Variants in OSBPL2 observed in about 807,000 individuals in gnomAD.
OSBPL2 encodes the protein oxysterol-binding protein-related protein 2.
In OSBPL2, 18 loss-of-function variants were observed where a neutral mutation model predicts 58.4. The ratio of observed to expected loss-of-function variants is 0.31; its 90% CI spans 0.21 to 0.46. The LOEUF (loss-of-function observed/expected upper bound fraction) is 0.46. OSBPL2 is among the 20% of genes least tolerant of loss of function. OSBPL2 has a pLI of 1.00. For missense variants in OSBPL2, 461 were observed against 616.5 expected (o/e 0.75, Z 2.67); for synonymous variants, 221 against 234.1 (o/e 0.94, Z 0.51).
Position 62,288,615 on chromosome 20 carries a change from G to T in OSBPL2, c.1126-592G>T, listed in dbSNP as rs771815238. Among the ~76,000 whole-genome samples the T allele has an allele frequency of 9.2e-5, 14 of 152,212 alleles. No homozygotes were observed. The highest frequency in any genetic ancestry group is 1.8e-4 in the Non-Finnish European group (12 of 67,988). ...GTGGGTGCAGAGGCCGAAGGCTGTGGGTGCAGGGTGCTGCCGCAGGCCTGC... is the reference window on the plus strand; with the variant it reads ...GTGGGTGCAGAGGCCGAAGGCTGTGTGTGCAGGGTGCTGCCGCAGGCCTGC... On this transcript the variant is annotated intron_variant, in intron 11 of 13. Transcript: ENST00000313733. This position sits in a 1 kb window ranked among gnomAD's most constrained non-coding sequence, Gnocchi z 4.8.
chr20:62,280,414 C>T (rs1408506240), intron 7 of OSBPL2, among the ~76,000 whole-genome samples: 1 of 152,214 alleles, frequency 6.6e-6, no homozygotes, highest in Non-Finnish European at 1.5e-5. Context: ...AAGTTGCACA[C>T]CTTGCTGATA....
intron 6 of OSBPL2, 124 bp from the exon 7 acceptor site, chr20:62,279,033 A>G (rs557540838): frequency 3.5e-5 from 26 of 752,198 alleles, no homozygotes; most frequent in East Asian, 2.6e-4. Context: ...TTTCCGCCAC[A>G]TGTTGTGGCA....
intron 4 of OSBPL2, among the ~76,000 whole-genome samples, chr20:62,266,597 G>A (rs888037816): frequency 5.9e-5 from 9 of 151,800 alleles, no homozygotes; most frequent in Admixed American, 2.0e-4. Context: ...TTCTGGATCC[G>A]CAGTGATTGG....
Position 62,294,023 on chromosome 20 carries a change from C to G in OSBPL2, c.*136C>G. 8.6e-7 allele frequency: 1 copy of G among 1,166,082 alleles called. No homozygotes were observed. 72.2% of individuals were successfully genotyped at this position (1,166,082 alleles called of 1,614,324 possible). A position where few individuals can be genotyped will look rare whatever the true frequency, so the allele number is the denominator to read the frequency against. On this transcript the variant is annotated 3_prime_UTR_variant, in exon 14 of 14. Transcript: ENST00000313733. Reference sequence around the variant, plus strand: ...TCGCGGAGATAGCATCATCCCTGATCAAGGATGTAATTCTAATTAACTGTT... The same window carrying G: ...TCGCGGAGATAGCATCATCCCTGATGAAGGATGTAATTCTAATTAACTGTT...
intron 1 of OSBPL2, among the ~76,000 whole-genome samples, chr20:62,250,638 G>A (rs1001026873): frequency 2.6e-5 from 4 of 152,278 alleles, no homozygotes; most frequent in South Asian, 2.1e-4. Context: ...AAAGGCTAGC[G>A]GGCCAGGTGC....
chr20:62,257,807 C>A (rs549620551), intron 2 of OSBPL2, among the ~76,000 whole-genome samples: 2 of 151,714 alleles, frequency 1.3e-5, no homozygotes, highest in Non-Finnish European at 2.9e-5. Context: ...CTCCTCCTCA[C>A]GGGTTCAAGC....
intron 6 of OSBPL2, among the ~76,000 whole-genome samples, chr20:62,274,112 G>T (rs886216042): frequency 3.3e-5 from 5 of 152,148 alleles, no homozygotes; most frequent in Admixed American, 3.3e-4. Flanking sequence ...AGGTCCAGCC[G>T]GGCCCCAGAT....
intron 2 of OSBPL2, among the ~76,000 whole-genome samples, chr20:62,259,407 C>T (rs1055523870): frequency 5.3e-5 from 8 of 152,220 alleles, no homozygotes; most frequent in Non-Finnish European, 1.2e-4. Context: ...AGAGCTCCTT[C>T]TCCAGAGTCC....
chr20:62,271,265 C>T (rs1438224340), intron 4 of OSBPL2, among the ~76,000 whole-genome samples: 18 of 152,190 alleles, frequency 1.2e-4, no homozygotes, highest in African/African-American at 4.3e-4. Flanking sequence ...TGCGCCCTGC[C>T]GTCCAGGGCC....
rs1981454991 is a variant in OSBPL2 at position 62,263,548 on chromosome 20, A to G, written c.183-68A>G. On this transcript the variant is annotated intron_variant, in intron 3 of 13. Coordinates refer to ENST00000313733, the MANE Select transcript of OSBPL2 (RefSeq NM_144498.4). ...AATTAAAGAGAAATCGTCATTGAGCACAGCCTCCTTGAGTGGTCAGAGTCC... is the reference window on the plus strand; with the variant it reads ...AATTAAAGAGAAATCGTCATTGAGCGCAGCCTCCTTGAGTGGTCAGAGTCC... 3 of 1,199,798 alleles carry G rather than the reference A, an allele frequency of 2.5e-6. No homozygotes were observed. In the Admixed American group the frequency reaches 5.1e-5, roughly 20 times the overall value. 74.3% of individuals were successfully genotyped at this position (1,199,798 alleles called of 1,614,324 possible).
At chr20:62,292,882 A>ATTTTTTTTT (rs35975453) in intron 13 of OSBPL2, among the ~76,000 whole-genome samples, 1 of 141,000 alleles carries the variant, frequency 7.1e-6, no homozygotes, top group Non-Finnish European at 1.5e-5. Context: ...ACCTTTCCTC[A>ATTTTTTTTT]TTTTTTTTTT....
chr20:62,241,003 ACACGTAGGACATTTTTCTTC>A (rs1347389393), intron 1 of OSBPL2, among the ~76,000 whole-genome samples: 1 of 152,116 alleles, frequency 6.6e-6, no homozygotes, highest in Non-Finnish European at 1.5e-5. Context: ...CTTAGAGTAC[ACACGTAGGACATTTTTCTTC>A]CACGCCTCGA....
At chr20:62,240,759 C>A (rs1979676418) in intron 1 of OSBPL2, among the ~76,000 whole-genome samples, 1 of 152,158 alleles carries the variant, frequency 6.6e-6, no homozygotes, top group Non-Finnish European at 1.5e-5. Context: ...TTTTTGTGAG[C>A]CTGAGTGTTT....
In OSBPL2 at chr20:62,256,323, C is replaced by G. The variant is rs190311167; in HGVS notation, c.37+102C>G. The G allele has an allele frequency of 7.1e-4, 753 of 1,053,152 alleles. 2 individuals are homozygous for G. In the African/African-American group the frequency reaches 0.011, roughly 16 times the overall value. The allele number at this position is 1,053,152 out of a possible 1,614,324, so 65.2% of individuals were successfully genotyped here. On this transcript the variant is annotated intron_variant, in intron 2 of 13. Coordinates refer to ENST00000313733, the MANE Select transcript of OSBPL2 (RefSeq NM_144498.4). ...TGGGGTGTAAAGATGCTCAGTAAAGCAGTGTGTGGGTGAGCGTTCACGATC... is the reference window on the plus strand; with the variant it reads ...TGGGGTGTAAAGATGCTCAGTAAAGGAGTGTGTGGGTGAGCGTTCACGATC...
At position 62,281,143 on chromosome 20, in the gene OSBPL2, A is replaced by C; in HGVS notation, c.760A>C (p.Thr254Pro). Residue 254 changes from threonine to proline, a missense_variant, in exon 8 of 14, where the codon ACA becomes CCA. Physicochemically the swap from Thr to Pro is conservative, Grantham distance 38. This residue lies in a region of OSBPL2 where 319 missense variants were observed against 419.2 expected (regional missense o/e 0.76). Transcript: ENST00000313733. ...GAAGCTGTGGATAGAGCAGTATGGG[A>C]CAGTGGAGATTTTAAACCACAGGTG... ...IGKLWIEQYG[T>P]VEILNHRTGH... 1 of 1,612,212 alleles carries C rather than the reference A, an allele frequency of 6.2e-7. No homozygotes were observed. Among genetic ancestry groups the C allele is most frequent in the Non-Finnish European group, 8.5e-7 (1 of 1,178,362 alleles).
rs1983766637 is a variant in OSBPL2, at chr20:62,294,923, C to G, written c.*1036C>G. ...TGTCCATCTCAGCATTCACCTTTATCAAGTGACTGATTTTTTTTTCTTTTC... is the reference window on the plus strand; with the variant it reads ...TGTCCATCTCAGCATTCACCTTTATGAAGTGACTGATTTTTTTTTCTTTTC... On this transcript the variant is annotated 3_prime_UTR_variant, in exon 14 of 14. Coordinates refer to ENST00000313733, the MANE Select transcript of OSBPL2 (RefSeq NM_144498.4). 6.6e-6 allele frequency: 1 copy of G among 151,158 alleles called. No homozygotes were observed. The highest frequency in any genetic ancestry group is 2.4e-5 in the African/African-American group (1 of 41,150). The allele number at this position is 151,158 out of a possible 1,614,324, so 9.4% of individuals were successfully genotyped here.
intron 2 of OSBPL2, among the ~76,000 whole-genome samples, 180 bp from the exon 3 acceptor site, chr20:62,259,801 C>T (rs1216841394): frequency 2.0e-5 from 3 of 152,188 alleles, no homozygotes; most frequent in South Asian, 2.1e-4. Flanking sequence ...CTCCGTGGCA[C>T]CCTCCTGTTC....
chr20:62,276,124 C>G (rs1318499994), intron 6 of OSBPL2, among the ~76,000 whole-genome samples: 1 of 152,168 alleles, frequency 6.6e-6, no homozygotes, highest in African/African-American at 2.4e-5. Flanking sequence ...ACCTTGTTGG[C>G]CAGGCTGGTG....
intron 1 of OSBPL2, among the ~76,000 whole-genome samples, chr20:62,253,163 C>T (rs904302479): frequency 1.1e-4 from 16 of 152,274 alleles, no homozygotes; most frequent in African/African-American, 2.2e-4. Context: ...TCTCCAGTGT[C>T]GTCTAATGGT....
Sources: allele counts gnomAD v4.1 joint callset (sites outside exome capture counted in the v4.1 genomes callset), GRCh38; gene constraint gnomAD v4.1.1; regional missense constraint gnomAD v4.1.1; non-coding constraint Gnocchi (gnomAD v3.1); transcripts MANE v1.5; gene names NCBI Gene and HGNC (gene_info 2026-07-23, HGNC 2026-07-21).